ALPL: variants seen among roughly 807,000 people sequenced by gnomAD.
ALPL encodes alkaline phosphatase, tissue-nonspecific isozyme.
Under a neutral mutation model 51.3 loss-of-function variants are expected in ALPL, and 42 were observed. The ratio of observed to expected loss-of-function variants is 0.82; its 90% CI spans 0.64 to 1.06. The LOEUF is 1.06. Among genes scored for constraint, ALPL ranks in the 50% least tolerant of loss-of-function variants. The probability of loss-of-function intolerance (pLI) is 0.00; values close to 1 mark genes in which losing one functional copy is unlikely to be tolerated. For synonymous variants in ALPL, 279 were observed against 296.4 expected, an observed-to-expected ratio of 0.94 and a Z score of 0.60; for missense variants, 589 against 709.4, an observed-to-expected ratio of 0.83 and a Z score of 1.93.
rs749419329 is a variant in ALPL at position 21,575,878 on chromosome 1, C to T, written c.1143C>T (p.His381=). ...CCGTGGTCACTGCGGACCATTCCCACGTCTTCACATTTGGTGGATACACCC... is the reference window on the plus strand; with the variant it reads ...CCGTGGTCACTGCGGACCATTCCCATGTCTTCACATTTGGTGGATACACCC... ...TLTVVTADHS[H]VFTFGGYTPR... is the part of the protein sequence containing the mutation. The change falls in exon 10 of 12, where the codon CAC becomes CAT. Residue 381 remains histidine, a synonymous_variant. Coordinates refer to ENST00000374840, the MANE Select transcript of ALPL (RefSeq NM_000478.6). 1.2e-5 allele frequency: 20 copies of T among 1,614,218 alleles called. No homozygotes were observed. The South Asian group carries it at 1.6e-4, about 13-fold the overall frequency.
intron 1 of ALPL, among the ~76,000 whole-genome samples, chr1:21,525,997 G>A (rs1452101741): frequency 1.3e-5 from 2 of 151,824 alleles, no homozygotes; most frequent in African/African-American, 2.4e-5. Flanking sequence ...TCAAACAAAC[G>A]AACAAAAAGA....
At chr1:21,532,202 T>A (rs1478115654) in intron 1 of ALPL, among the ~76,000 whole-genome samples, 2 of 152,160 alleles carry the variant, frequency 1.3e-5, no homozygotes, top group South Asian at 2.1e-4. Flanking sequence ...TTTAATTTTT[T>A]ATTTTTTGAA....
intron 2 of ALPL, 40 bp from the exon 3 acceptor site, chr1:21,560,586 A>G (rs771054952): frequency 3.1e-6 from 5 of 1,612,642 alleles, no homozygotes; most frequent in African/African-American, 1.3e-5. Context: ...ATAGGAGGCT[A>G]TCCTTACCCC....
At chr1:21,512,466 C>G (rs979156814) in intron 1 of ALPL, among the ~76,000 whole-genome samples, 116 of 152,286 alleles carry the variant, frequency 7.6e-4, no homozygotes, top group African/African-American at 2.7e-3. Flanking sequence ...GGAGCAATTT[C>G]AAAAGCAGTT....
chr1:21,530,065 G>A (rs894719861), intron 1 of ALPL, among the ~76,000 whole-genome samples: 14 of 152,064 alleles, frequency 9.2e-5, no homozygotes, highest in Admixed American at 9.2e-4. Context: ...GTGAGCCACC[G>A]CATCTGGTCC....
rs1570311854 is a variant in ALPL at position 21,578,079 on chromosome 1, C to A, written c.*431C>A. 3 of 219,892 alleles carry A rather than the reference C, an allele frequency of 1.4e-5. No homozygotes were observed. In the East Asian group the frequency reaches 3.3e-4, roughly 24 times the overall value. 13.6% of individuals were successfully genotyped at this position (219,892 alleles called of 1,614,324 possible). A position where few individuals can be genotyped will look rare whatever the true frequency, so the allele number is the denominator to read the frequency against. Reference sequence around the variant, plus strand: ...TACCTCTGGAACCCCCCAGGCCCTACAATGCTCATGTCCCTGTCCCCAGGC... The same window carrying A: ...TACCTCTGGAACCCCCCAGGCCCTAAAATGCTCATGTCCCTGTCCCCAGGC... On this transcript the variant is annotated 3_prime_UTR_variant, in exon 12 of 12. Coordinates refer to ENST00000374840, the MANE Select transcript of ALPL (RefSeq NM_000478.6). The surrounding 1 kb of genome is among the most constrained non-coding windows in gnomAD (Gnocchi z 4.2).
chr1:21,565,752 C>A (rs758851793), intron 6 of ALPL, among the ~76,000 whole-genome samples: 7 of 151,886 alleles, frequency 4.6e-5, no homozygotes, highest in Non-Finnish European at 8.8e-5. Flanking sequence ...CACCACCCCC[C>A]CAAAAGCCTC....
intron 6 of ALPL, among the ~76,000 whole-genome samples, chr1:21,567,262 A>G (rs986578997): frequency 5.3e-5 from 8 of 152,190 alleles, no homozygotes; most frequent in African/African-American, 1.9e-4. Context: ...GTGACAAGAG[A>G]ACACTAGTGT....
chr1:21,530,777 A>ATT (rs71016918), intron 1 of ALPL, among the ~76,000 whole-genome samples: 23,769 of 111,770 alleles, frequency 0.21, 2,871 homozygotes, highest in African/African-American at 0.29. Context: ...CAAGCTTTGA[A>ATT]TTTTTTTTTT....
chr1:21,570,821 A>G (rs989037756), intron 8 of ALPL, among the ~76,000 whole-genome samples: 1 of 152,024 alleles, frequency 6.6e-6, no homozygotes, highest in African/African-American at 2.4e-5. Flanking sequence ...GGCAGTGGGG[A>G]GCATGTGGTG....
At chr1:21,543,132 C>G (rs902378965) in intron 1 of ALPL, among the ~76,000 whole-genome samples, 1 of 151,980 alleles carries the variant, frequency 6.6e-6, no homozygotes, top group Non-Finnish European at 1.5e-5. Context: ...AGAGTAAGAC[C>G]CTGTCTCAAA....
At chr1:21,534,697 C>T (rs1018369761) in intron 1 of ALPL, among the ~76,000 whole-genome samples, 1 of 152,130 alleles carries the variant, frequency 6.6e-6, no homozygotes, top group Non-Finnish European at 1.5e-5. Flanking sequence ...GCTAGTACCC[C>T]TTGGTAGAGT....
chr1:21,554,796 TCTGTCTGTCTGTCTG>T lies in ALPL; in HGVS notation c.61+655_61+669del, dbSNP rs1558543666. 6.8e-3 allele frequency among the ~76,000 whole-genome samples: 266 copies of T among 39,382 alleles called. 7 individuals are homozygous for T. The highest frequency in any genetic ancestry group is 0.033 in the African/African-American group (254 of 7,798). The allele number at this position is 39,382 out of a possible 152,430, so 25.8% of individuals were successfully genotyped here. On this transcript the variant is annotated intron_variant, in intron 2 of 11. Transcript: ENST00000374840. ...TGAGCCACCGCGCCTGGCCTGTCTG[TCTGTCTGTCTGTCTG>T]TCTGTCTTTCTTTCTTTCTTTCTTT...
At chr1:21,541,634 T>C (rs2148112951) in intron 1 of ALPL, among the ~76,000 whole-genome samples, 1 of 152,340 alleles carries the variant, frequency 6.6e-6, no homozygotes, top group African/African-American at 2.4e-5. Context: ...AAGGCTCTGA[T>C]TAATTTCACC....
chr1:21,513,178 C>T (rs918822743), intron 1 of ALPL, among the ~76,000 whole-genome samples: 4 of 152,066 alleles, frequency 2.6e-5, no homozygotes, highest in East Asian at 1.9e-4. Flanking sequence ...GAAGCTGGCT[C>T]GGTCAACTGG....
chr1:21,538,023 G>C (rs149650959), intron 1 of ALPL, among the ~76,000 whole-genome samples: 1 of 152,196 alleles, frequency 6.6e-6, no homozygotes, highest in African/African-American at 2.4e-5. Flanking sequence ...ATGGCTTTGC[G>C]TGTAAAGTGC....
intron 2 of ALPL, among the ~76,000 whole-genome samples, chr1:21,557,810 CAT>C (rs1644433014): frequency 1.3e-5 from 2 of 152,242 alleles, no homozygotes; most frequent in South Asian, 4.2e-4. Flanking sequence ...AAAATTTTGA[CAT>C]ATATTTATAC....
rs1643864316 is a variant in ALPL, at chr1:21,519,662, T to TG, written c.-105+10147dup. 4.6e-5 allele frequency among the ~76,000 whole-genome samples: 7 copies of TG among 152,232 alleles called. No individual in the cohort carries two copies. The South Asian group carries it at 1.5e-3, about 32-fold the overall frequency. ...GAATACAAAAACTAGCTGGGCGTGG[T>TG]GGTGTATGCCTGTAATTCCAGCTAT... On this transcript the variant is annotated intron_variant, in intron 1 of 11. Coordinates refer to ENST00000374840, the MANE Select transcript of ALPL (RefSeq NM_000478.6).
chr1:21,554,013 C>T lies in ALPL; in HGVS notation c.-69C>T. ...TCAGTTAACATCTGACCACTGCCAG[C>T]CCACCCCCTCCCACCCACGTCGATT... is the stretch of plus-strand genomic sequence containing the variant. On this transcript the variant is annotated 5_prime_UTR_variant, in exon 2 of 12. Coordinates refer to ENST00000374840, the MANE Select transcript of ALPL (RefSeq NM_000478.6). The T allele has an allele frequency of 4.3e-6, 3 of 690,356 alleles. No individual in the cohort carries two copies. Among genetic ancestry groups the T allele is most frequent in the East Asian group, 3.6e-5 (1 of 27,986 alleles). The allele number at this position is 690,356 out of a possible 1,614,324, so 42.8% of individuals were successfully genotyped here. A position where few individuals can be genotyped will look rare whatever the true frequency, so the allele number is the denominator to read the frequency against.
Sources: gnomAD v4.1 joint callset for allele counts (sites outside exome capture counted in the v4.1 genomes callset) on GRCh38, gnomAD v4.1.1 for gene constraint, Gnocchi (gnomAD v3.1) non-coding constraint, MANE v1.5 for transcripts, NCBI Gene and HGNC (gene_info 2026-07-23, HGNC 2026-07-21) for gene names.